MCM8: variants seen among roughly 807,000 people sequenced by gnomAD.
The protein encoded by MCM8 is minichromosome maintenance 8 homologous recombination repair factor.
MCM8 carries 85 observed loss-of-function variants against 98.9 expected under a neutral mutation model. The observed-to-expected ratio is 0.86, with a 90% CI of 0.72 to 1.03. The LOEUF is 1.03. Among genes scored for constraint, MCM8 ranks in the 50% least tolerant of loss-of-function variants. MCM8 has a pLI of 0.00. For missense variants in MCM8, 951 were observed against 997.8 expected (o/e 0.95, Z 0.63); for synonymous variants, 352 against 338.6 (o/e 1.04, Z -0.44).
intron 10 of MCM8, among the ~76,000 whole-genome samples, chr20:5,970,838 T>A (rs903629538): frequency 5.9e-5 from 9 of 152,338 alleles, no homozygotes; most frequent in Admixed American, 1.3e-4. Context: ...AGACAGGGTC[T>A]TGCTGTGTTG....
At chr20:5,982,581 A>G (rs2089650640) in intron 13 of MCM8, among the ~76,000 whole-genome samples, 1 of 152,214 alleles carries the variant, frequency 6.6e-6, no homozygotes, top group African/African-American at 2.4e-5. Flanking sequence ...TATTAAACAT[A>G]ATAAACTTAC....
chr20:5,981,528 G>A (rs893009600), intron 13 of MCM8, among the ~76,000 whole-genome samples: 2 of 151,858 alleles, frequency 1.3e-5, no homozygotes, highest in African/African-American at 2.4e-5. Context: ...AAATCATTAC[G>A]TTACCAAAAA....
intron 17 of MCM8, 31 bp from the exon 18 acceptor site, chr20:5,993,475 T>C (rs1044557382): frequency 7.4e-6 from 11 of 1,489,528 alleles, no homozygotes; most frequent in East Asian, 6.9e-5. Flanking sequence ...CAGTGCTACA[T>C]TGGGTAATTT....
chr20:5,955,267 A>G lies in MCM8; in HGVS notation c.486+16A>G. 2 of 1,604,772 alleles carry G rather than the reference A, an allele frequency of 1.2e-6. No individual in the cohort carries two copies. The highest frequency in any genetic ancestry group is 1.7e-6 in the Non-Finnish European group (2 of 1,176,960). On this transcript the variant is annotated intron_variant, in intron 5 of 18. Coordinates refer to ENST00000610722, the MANE Select transcript of MCM8 (RefSeq NM_032485.6). ...AATACATCAGGTAACTATTTGTCTT[A>G]TGCATACTTTTGTCTAAACTTTTTT...
chr20:5,967,987 G>A lies in MCM8; in HGVS notation c.1185G>A (p.Glu395=), dbSNP rs201017123. The A allele has an allele frequency of 6.2e-7, 1 of 1,612,190 alleles. No homozygotes were observed. Residue 395 remains glutamate, a synonymous_variant, in exon 10 of 19, where the codon GAG becomes GAA. Coordinates refer to ENST00000610722, the MANE Select transcript of MCM8 (RefSeq NM_032485.6). ...TTAAAGACCTTTATGCCATCCAAGA[G>A]ATTCAAGCTGAAGAAAACCTGTTTA... is the stretch of plus-strand genomic sequence containing the variant. ...FSLKDLYAIQ[E]IQAEENLFKL...
chr20:5,972,929 A>G, intron 11 of MCM8, 127 bp from the exon 12 acceptor site: 1 of 1,359,954 alleles, frequency 7.4e-7, no homozygotes, highest in Non-Finnish European at 9.8e-7. Flanking sequence ...CTTTTCTTAG[A>G]AAAAAATTAT....
At chr20:5,967,405 A>G in intron 8 of MCM8, 31 bp from the exon 9 acceptor site, 1 of 1,597,368 alleles carries the variant, frequency 6.3e-7, no homozygotes, top group South Asian at 1.1e-5. Context: ...CAAAGTAAGT[A>G]TTCTAACTGA....
At chr20:5,992,000 C>T (rs564128180) in intron 17 of MCM8, among the ~76,000 whole-genome samples, 2 of 152,062 alleles carry the variant, frequency 1.3e-5, no homozygotes, top group Non-Finnish European at 2.9e-5. Flanking sequence ...TCTGAGTTAC[C>T]AGAGCACTTA....
At chr20:5,964,012 T>C (rs1168484688) in intron 8 of MCM8, among the ~76,000 whole-genome samples, 2 of 152,138 alleles carry the variant, frequency 1.3e-5, no homozygotes, top group Admixed American at 6.5e-5. Context: ...GTGATAGAAA[T>C]AATATTGTTT....
rs748353312 is a variant in MCM8, at chr20:5,954,649, T to G, written c.295T>G (p.Phe99Val). ...SSPLIEKIQA[F>V]EKFFTRHIDL... Reference sequence around the variant, plus strand: ...TCCTTTGATTGAGAAGATTCAAGCATTTGAAAAATTTTTCACAAGGCATAT... The same window carrying G: ...TCCTTTGATTGAGAAGATTCAAGCAGTTGAAAAATTTTTCACAAGGCATAT... Residue 99 changes from phenylalanine to valine, a missense_variant, in exon 4 of 19, where the codon TTT becomes GTT. Transcript: ENST00000610722. 6.2e-7 allele frequency: 1 copy of G among 1,611,278 alleles called. No homozygotes were observed. Among genetic ancestry groups the G allele is most frequent in the East Asian group, 2.2e-5 (1 of 44,848 alleles).
At chr20:5,963,223 G>C (rs377036117) in intron 7 of MCM8, 51 bp from the exon 8 acceptor site, 3 of 1,360,562 alleles carry the variant, frequency 2.2e-6, no homozygotes, top group Admixed American at 1.7e-5. Flanking sequence ...TTCCTGAGGT[G>C]TGATTATAGT....
chr20:5,993,020 T>G (rs2089884433), intron 17 of MCM8, among the ~76,000 whole-genome samples: 1 of 152,284 alleles, frequency 6.6e-6, no homozygotes, highest in South Asian at 2.1e-4. Context: ...CTGGCAGTAA[T>G]AGGTGCATCC....
intron 7 of MCM8, among the ~76,000 whole-genome samples, chr20:5,961,699 G>T (rs556918278): frequency 3.5e-4 from 54 of 152,314 alleles, no homozygotes; most frequent in African/African-American, 1.3e-3. Flanking sequence ...GAGTGCAGGG[G>T]CATGAATACA....
At chr20:5,961,977 A>G (rs1174836206) in intron 7 of MCM8, among the ~76,000 whole-genome samples, 4 of 152,164 alleles carry the variant, frequency 2.6e-5, no homozygotes, top group Non-Finnish European at 5.9e-5. Flanking sequence ...ATTAGTTCTC[A>G]TGATATCTGT....
chr20:5,966,464 A>G (rs900002248), intron 8 of MCM8, among the ~76,000 whole-genome samples: 1 of 151,776 alleles, frequency 6.6e-6, no homozygotes, highest in Non-Finnish European at 1.5e-5. Flanking sequence ...TTGATTTTGT[A>G]CTTGTTTCCC....
rs554330804 is a variant in MCM8, at chr20:5,976,471, G to A, written c.1396-1405G>A. Reference sequence around the variant, plus strand: ...GGGGCTAGTTTTGTTTTTATACCATGGTCTAAATAGGGAGGGGGGATTTTA... The same window carrying A: ...GGGGCTAGTTTTGTTTTTATACCATAGTCTAAATAGGGAGGGGGGATTTTA... On this transcript the variant is annotated intron_variant, in intron 12 of 18. Transcript: ENST00000610722. Among the ~76,000 whole-genome samples, 37 of 152,174 alleles carry A rather than the reference G, an allele frequency of 2.4e-4. No individual in the cohort carries two copies. In the South Asian group the frequency reaches 7.5e-3, roughly 31 times the overall value.
chr20:5,993,616 A>G lies in MCM8; in HGVS notation c.2351A>G (p.Asn784Ser). 1 of 1,612,522 alleles carries G rather than the reference A, an allele frequency of 6.2e-7. No homozygotes were observed. The highest frequency in any genetic ancestry group is 1.1e-5 in the South Asian group (1 of 90,834). Reference protein sequence around the residue: ...STAKRFISALNNVAERTYNNI... With the variant: ...STAKRFISALSNVAERTYNNI... Reference sequence around the variant, plus strand: ...GCGAAAAGATTTATTTCTGCTCTCAACAACGTTGCTGAAAGAACTTATAAT... The same window carrying G: ...GCGAAAAGATTTATTTCTGCTCTCAGCAACGTTGCTGAAAGAACTTATAAT... The change falls in exon 18 of 19, where the codon AAC (asparagine) becomes AGC (serine). Residue 784 changes from asparagine (N) to serine (S), a missense_variant. Transcript: ENST00000610722.
intron 3 of MCM8, among the ~76,000 whole-genome samples, chr20:5,953,849 T>G (rs1483603592): frequency 6.6e-6 from 1 of 152,080 alleles, no homozygotes. Flanking sequence ...CATGCAGTAG[T>G]CATTTTGTGA....
At position 5,955,086 on chromosome 20, in the gene MCM8, CTTTTATA is replaced by C. The variant is rs749098963; in HGVS notation, c.337-8_337-2del. ...CAGAAAAGCAATTATTGTTTTCATA[CTTTTATA>C]TTTTATAGGATGAAATAGAAAGAAA... On this transcript the variant is annotated splice_polypyrimidine_tract_variant and intron_variant, in intron 4 of 18. Coordinates refer to ENST00000610722, the MANE Select transcript of MCM8 (RefSeq NM_032485.6). 124 of 1,549,420 alleles carry C rather than the reference CTTTTATA, an allele frequency of 8.0e-5. 3 individuals are homozygous for C. Among genetic ancestry groups the C allele is most frequent in the South Asian group, 6.8e-4 (59 of 86,872 alleles).
Sources: gnomAD v4.1 joint callset for allele counts (sites outside exome capture counted in the v4.1 genomes callset) on GRCh38, gnomAD v4.1.1 for gene constraint, MANE v1.5 for transcripts, NCBI Gene and HGNC (gene_info 2026-07-23, HGNC 2026-07-21) for gene names.